MMD: variants seen among roughly 807,000 people sequenced by gnomAD.
MMD encodes the protein monocyte to macrophage differentiation factor.
Under a neutral mutation model 33.6 loss-of-function variants are expected in MMD, and 22 were observed. That is an observed-to-expected ratio of 0.66 (90% CI 0.47 to 0.94). The LOEUF (loss-of-function observed/expected upper bound fraction) is 0.94, where lower values mean the gene tolerates loss of function less well. Among genes scored for constraint, MMD ranks in the 40% least tolerant of loss-of-function variants. MMD has a pLI of 0.00. For missense variants in MMD, 242 were observed against 309.8 expected (o/e 0.78, Z 1.64); for synonymous variants, 97 against 103.2 (o/e 0.94, Z 0.36).
chr17:55,403,961 T>TCTTAGGAAAGACTTAGA, intron 4 of MMD, 93 bp from the exon 5 acceptor site: 2 of 1,022,488 alleles, frequency 2.0e-6, no homozygotes, highest in Admixed American at 2.2e-5. Context: ...AGTCTTAGGA[T>TCTTAGGAAAGACTTAGA]AAGAGCAGGA....
At chr17:55,406,869 A>C (rs535021770) in intron 4 of MMD, among the ~76,000 whole-genome samples, 9 of 152,092 alleles carry the variant, frequency 5.9e-5, no homozygotes, top group Admixed American at 3.3e-4. Flanking sequence ...GTCTCCCCCC[A>C]AAAATACAAA....
chr17:55,410,064 T>C (rs982985998), intron 3 of MMD, among the ~76,000 whole-genome samples: 2 of 152,128 alleles, frequency 1.3e-5, no homozygotes, highest in Non-Finnish European at 2.9e-5. Flanking sequence ...GTAAAAGATA[T>C]GGTGAAAAAA....
chr17:55,420,895 G>A (rs1030444971), intron 1 of MMD, among the ~76,000 whole-genome samples: 63 of 152,298 alleles, frequency 4.1e-4, no homozygotes, highest in African/African-American at 1.5e-3. Context: ...GCGCCCCCCA[G>A]CCCGGCATTT....
At chr17:55,396,049 T>C (rs1231334814) in intron 6 of MMD, among the ~76,000 whole-genome samples, 1 of 152,164 alleles carries the variant, frequency 6.6e-6, no homozygotes, top group Non-Finnish European at 1.5e-5. Flanking sequence ...TCCTTTTTTT[T>C]CCTTTCTGCC....
rs1907006051 is a variant in MMD at position 55,393,850 on chromosome 17, A to C, written c.*484T>G. Reference sequence around the variant, plus strand: ...TTTTTTAAAAATTTACAAAAAACTAAAGTTTCTATTTAAAAAAGAACCATG... The same window carrying C: ...TTTTTTAAAAATTTACAAAAAACTACAGTTTCTATTTAAAAAAGAACCATG... On this transcript the variant is annotated 3_prime_UTR_variant, in exon 7 of 7. Coordinates refer to ENST00000262065, the MANE Select transcript of MMD (RefSeq NM_012329.3). The C allele has an allele frequency of 6.5e-6, 1 of 152,702 alleles. No homozygotes were observed. Among genetic ancestry groups the C allele is most frequent in the Admixed American group, 6.5e-5 (1 of 15,288 alleles). 9.5% of individuals were successfully genotyped at this position (152,702 alleles called of 1,614,324 possible).
chr17:55,398,666 C>G (rs578178876), intron 6 of MMD, among the ~76,000 whole-genome samples: 1 of 151,912 alleles, frequency 6.6e-6, no homozygotes, highest in East Asian at 1.9e-4. Context: ...TTCTGTTAGG[C>G]GGTTTATTTA....
chr17:55,396,274 T>G (rs1046576246), intron 6 of MMD, among the ~76,000 whole-genome samples: 1 of 152,226 alleles, frequency 6.6e-6, no homozygotes, highest in Admixed American at 6.5e-5. Flanking sequence ...ATTCATTTAA[T>G]CTTCACAACG....
At position 55,421,680 on chromosome 17, in the gene MMD, G is replaced by T. The variant is rs779190270; in HGVS notation, c.16C>A (p.Arg6=). 1.3e-6 allele frequency: 2 copies of T among 1,597,806 alleles called. No individual in the cohort carries two copies. The highest frequency in any genetic ancestry group is 1.1e-5 in the South Asian group (1 of 90,098). The stretch of plus-strand genomic sequence containing the variant: ...CGCCATCCCTCTCACCGCTGGAATC[G>T]ATTCTTGAACCGCATTGATCCTCTG... MRFKN[R]FQRFMNHRAP... The change falls in exon 1 of 7, where the codon CGA becomes AGA. Residue 6 remains arginine (R), a synonymous_variant. Transcript: ENST00000262065.
At chr17:55,398,022 GT>G (rs1235720995) in intron 6 of MMD, among the ~76,000 whole-genome samples, 1 of 143,464 alleles carries the variant, frequency 7.0e-6, no homozygotes, top group Non-Finnish European at 1.5e-5. Flanking sequence ...TTTTCTTTGT[GT>G]TTATACTGCT....
chr17:55,407,987 C>T (rs1269306279), intron 3 of MMD, among the ~76,000 whole-genome samples, 167 bp from the exon 4 acceptor site: 21 of 152,148 alleles, frequency 1.4e-4, no homozygotes, highest in Admixed American at 1.2e-3. Context: ...GTTATGAAGT[C>T]ACGAGTAAAA....
chr17:55,401,906 A>G (rs1848131510), intron 5 of MMD, among the ~76,000 whole-genome samples: 6 of 152,002 alleles, frequency 3.9e-5, no homozygotes, highest in Admixed American at 3.9e-4. Context: ...ACCCGTCCCT[A>G]CTAAAAATAC....
intron 6 of MMD, among the ~76,000 whole-genome samples, chr17:55,400,143 T>C (rs1907269603): frequency 6.6e-6 from 1 of 152,142 alleles, no homozygotes; most frequent in Non-Finnish European, 1.5e-5. Flanking sequence ...CTCAAAGAAA[T>C]ATATTTTGTT....
chr17:55,417,666 T>C (rs965944703), intron 1 of MMD, among the ~76,000 whole-genome samples: 1 of 152,128 alleles, frequency 6.6e-6, no homozygotes, highest in African/African-American at 2.4e-5. Flanking sequence ...GGTGTGGTAG[T>C]GTATGCCTGT....
chr17:55,396,222 G>A (rs1458666359), intron 6 of MMD, among the ~76,000 whole-genome samples: 1 of 151,826 alleles, frequency 6.6e-6, no homozygotes, highest in Non-Finnish European at 1.5e-5. Context: ...TATCATTATT[G>A]TAACTATGTG....
Position 55,414,981 on chromosome 17 carries a change from C to T in MMD, c.27-749G>A, listed in dbSNP as rs1386773848. On this transcript the variant is annotated intron_variant, in intron 1 of 6. Transcript: ENST00000262065. ...TGTGTACGTATCTAAATATCAAAAT[C>T]TGTTACATATATAGACATATGCCCA... 2.0e-5 allele frequency among the ~76,000 whole-genome samples: 3 copies of T among 152,272 alleles called. No homozygotes were observed. In the East Asian group the frequency reaches 5.8e-4, roughly 29 times the overall value.
intron 1 of MMD, chr17:55,420,414 A>C (rs1234670604): frequency 6.6e-6 from 1 of 152,068 alleles, no homozygotes; most frequent in Non-Finnish European, 1.5e-5. Flanking sequence ...AGCATTCAAC[A>C]CCCTGACTGA....
At chr17:55,394,662 G>A in intron 6 of MMD, 128 bp from the exon 7 acceptor site, 1 of 786,660 alleles carries the variant, frequency 1.3e-6, no homozygotes, top group Non-Finnish European at 1.8e-6. Context: ...ACACAATCCT[G>A]ATCTGTAAAC....
intron 4 of MMD, among the ~76,000 whole-genome samples, chr17:55,406,743 C>G (rs533158727): frequency 6.6e-6 from 1 of 150,908 alleles, no homozygotes; most frequent in Non-Finnish European, 1.5e-5. Flanking sequence ...AAAATTAGCT[C>G]GGTGTGGTGG....
Position 55,399,234 on chromosome 17 carries a change from T to C in MMD, c.516+2235A>G, listed in dbSNP as rs867020525. 1.5e-4 allele frequency among the ~76,000 whole-genome samples: 20 copies of C among 131,604 alleles called. 1 individual carries two copies. The Middle Eastern group carries it at 0.023, about 151-fold the overall frequency. The allele number at this position is 131,604 out of a possible 152,430, so 86.3% of individuals were successfully genotyped here. ...TCAAGGATCACAGTCCTGTACTGTT[T>C]GGGTTCAGAGCCAAAAAAACAGTTG... On this transcript the variant is annotated intron_variant, in intron 6 of 6. Coordinates refer to ENST00000262065, the MANE Select transcript of MMD (RefSeq NM_012329.3).
Sources: gnomAD v4.1 joint callset for allele counts (sites outside exome capture counted in the v4.1 genomes callset) on GRCh38, gnomAD v4.1.1 for gene constraint, MANE v1.5 for transcripts, NCBI Gene and HGNC (gene_info 2026-07-23, HGNC 2026-07-21) for gene names.